Variants in NOVA1 observed in about 807,000 individuals in gnomAD.
The protein encoded by NOVA1 is NOVA alternative splicing regulator 1, also known as RNA-binding protein Nova-1.
NOVA1 carries 7 observed loss-of-function variants against 38.0 expected under a neutral mutation model. The ratio of observed to expected loss-of-function variants is 0.18; its 90% confidence interval spans 0.10 to 0.35. The LOEUF (loss-of-function observed/expected upper bound fraction) is 0.35, where lower values mean the gene tolerates loss of function less well. NOVA1 is among the 10% of genes least tolerant of loss of function. The probability of loss-of-function intolerance (pLI) is 1.00; values close to 1 mark genes in which losing one functional copy is unlikely to be tolerated. For synonymous variants in NOVA1, 270 were observed against 232.5 expected (o/e 1.16, Z -1.47); for missense variants, 460 against 616.0 (o/e 0.75, Z 2.68).
intron 2 of NOVA1, among the ~76,000 whole-genome samples, chr14:26,540,453 T>G (rs1419691825): frequency 6.6e-6 from 1 of 152,202 alleles, no homozygotes; most frequent in Non-Finnish European, 1.5e-5. Context: ...GCTGCTGAAT[T>G]AGATGACTTT....
At chr14:26,524,542 G>C (rs1337858642) in intron 2 of NOVA1, among the ~76,000 whole-genome samples, 1 of 152,046 alleles carries the variant, frequency 6.6e-6, no homozygotes, top group Non-Finnish European at 1.5e-5. Flanking sequence ...ACATCATAGG[G>C]AGATACAGAG....
intron 2 of NOVA1, among the ~76,000 whole-genome samples, chr14:26,516,902 G>T (rs1250499513): frequency 9.4e-6 from 1 of 106,760 alleles, no homozygotes; most frequent in African/African-American, 3.4e-5. Context: ...CTCTGACTTT[G>T]CCTCTTTTTT....
At chr14:26,514,344 A>G (rs935536674) in intron 2 of NOVA1, among the ~76,000 whole-genome samples, 1 of 151,770 alleles carries the variant, frequency 6.6e-6, no homozygotes. Flanking sequence ...ACTGATCTAC[A>G]TGTTCATAGT....
Position 26,448,762 on chromosome 14 carries a change from T to C in NOVA1, c.721A>G (p.Ile241Val). 6.2e-7 allele frequency: 1 copy of C among 1,614,160 alleles called. No homozygotes were observed. The highest frequency in any genetic ancestry group is 8.5e-7 in the Non-Finnish European group (1 of 1,180,036). ...RKAVELIIQK[I>V]QEDPQSGSCL... ...CTGCCACTTTGTGGATCCTCTTGTA[T>C]CTTCTGGATGATAAGTTCAACAGCT... The change falls in exon 5 of 5, where the codon ATA (isoleucine) becomes GTA (valine). Residue 241 changes from isoleucine to valine, a missense_variant. By Grantham distance (29) the Ile-to-Val change is conservative (BLOSUM62 3). Coordinates refer to ENST00000539517, the MANE Select transcript of NOVA1 (RefSeq NM_002515.3). This position sits in a 1 kb window ranked among gnomAD's most constrained non-coding sequence, Gnocchi z 5.3.
chr14:26,574,776 T>C (rs1425747791), intron 2 of NOVA1, among the ~76,000 whole-genome samples: 1 of 152,008 alleles, frequency 6.6e-6, no homozygotes, highest in Admixed American at 6.6e-5. Context: ...CCTATGACAG[T>C]CTCCAGAGTA....
rs145486041 is a variant in NOVA1 at position 26,580,107 on chromosome 14, C to A, written c.280+15303G>T. ...GCAAAAAAAAAAGCTTTAAAATAAGCCTTATGAATTATCATCTATATTATT... is the reference window on the plus strand; with the variant it reads ...GCAAAAAAAAAAGCTTTAAAATAAGACTTATGAATTATCATCTATATTATT... On this transcript the variant is annotated intron_variant, in intron 2 of 4. Transcript: ENST00000539517. 4.6e-5 allele frequency among the ~76,000 whole-genome samples: 7 copies of A among 151,752 alleles called. No individual in the cohort carries two copies. In the East Asian group the frequency reaches 9.7e-4, roughly 21 times the overall value.
At chr14:26,508,143 A>G (rs943733376) in intron 2 of NOVA1, among the ~76,000 whole-genome samples, 2 of 152,094 alleles carry the variant, frequency 1.3e-5, no homozygotes, top group Admixed American at 6.5e-5. Flanking sequence ...TAGTTTATTA[A>G]TAACTAATAT....
chr14:26,508,978 G>A (rs933568765), intron 2 of NOVA1, among the ~76,000 whole-genome samples: 3 of 151,942 alleles, frequency 2.0e-5, no homozygotes, highest in African/African-American at 7.2e-5. Context: ...AAGAAAAAAA[G>A]CAAAGAGAGT....
intron 2 of NOVA1, among the ~76,000 whole-genome samples, chr14:26,538,878 G>T (rs1890275937): frequency 6.6e-6 from 1 of 152,020 alleles, no homozygotes; most frequent in African/African-American, 2.4e-5. Context: ...CTTTCTGAAG[G>T]ATAGCCAACC....
At chr14:26,452,535 T>C (rs1315347645) in intron 4 of NOVA1, among the ~76,000 whole-genome samples, 1 of 152,344 alleles carries the variant, frequency 6.6e-6, no homozygotes, top group African/African-American at 2.4e-5. Context: ...TGTATACTGA[T>C]AGTATTTAAA....
intron 2 of NOVA1, among the ~76,000 whole-genome samples, chr14:26,545,380 G>A (rs930886158): frequency 2.0e-5 from 3 of 152,016 alleles, no homozygotes; most frequent in Non-Finnish European, 4.4e-5. Flanking sequence ...GGGAAAGTAA[G>A]TAGTTTAAAA....
At chr14:26,494,520 A>G (rs2138370788) in intron 2 of NOVA1, among the ~76,000 whole-genome samples, 1 of 152,340 alleles carries the variant, frequency 6.6e-6, no homozygotes, top group Non-Finnish European at 1.5e-5. Flanking sequence ...AGATACTGGT[A>G]AACTGTAGCC....
chr14:26,467,717 G>T (rs563680926), intron 4 of NOVA1, among the ~76,000 whole-genome samples: 2 of 152,314 alleles, frequency 1.3e-5, no homozygotes, highest in Admixed American at 6.5e-5. Context: ...TTTTAGACAA[G>T]AGCAGGGAAA....
chr14:26,592,271 C>T (rs1440420163), intron 2 of NOVA1, among the ~76,000 whole-genome samples: 4 of 151,348 alleles, frequency 2.6e-5, no homozygotes, highest in African/African-American at 4.8e-5. Context: ...ACTATCGTCA[C>T]TCTGAAAAGG....
chr14:26,489,215 A>G (rs978801661), intron 2 of NOVA1, among the ~76,000 whole-genome samples: 1 of 152,178 alleles, frequency 6.6e-6, no homozygotes, highest in Non-Finnish European at 1.5e-5. Flanking sequence ...ACTTTATGTC[A>G]TATTTTTTAA....
At chr14:26,492,907 T>C (rs910274578) in intron 2 of NOVA1, among the ~76,000 whole-genome samples, 4 of 152,026 alleles carry the variant, frequency 2.6e-5, no homozygotes, top group Non-Finnish European at 1.5e-5. Context: ...CACTCCAGCC[T>C]GGGCTACAGA....
chr14:26,554,371 C>G (rs1483470574), intron 2 of NOVA1, among the ~76,000 whole-genome samples: 11 of 151,762 alleles, frequency 7.2e-5, no homozygotes, highest in Admixed American at 7.2e-4. Flanking sequence ...CAAAACAAAA[C>G]AGATCATTCT....
chr14:26,592,649 G>C (rs886260610), intron 2 of NOVA1: 1 of 151,472 alleles, frequency 6.6e-6, no homozygotes, highest in African/African-American at 2.4e-5. Context: ...TTCTCAATTA[G>C]TGTACAAAAA....
At position 26,447,998 on chromosome 14, in the gene NOVA1, C is replaced by T; in HGVS notation, c.1485G>A (p.Glu495=). Residue 495 remains glutamate, a synonymous_variant, in exon 5 of 5, where the codon GAG becomes GAA. Transcript: ENST00000539517. ...GAGGATTGGCAGCCCGAACTCCTTG[C>T]TCATATGTGATCCTTTGTGTAATTA... ...QYLITQRITY[E]QGVRAANPQK... is the part of the protein sequence containing the mutation. The T allele has an allele frequency of 6.8e-6, 11 of 1,614,178 alleles. No individual in the cohort carries two copies. Among genetic ancestry groups the T allele is most frequent in the Non-Finnish European group, 9.3e-6 (11 of 1,180,038 alleles).
Sources: allele counts gnomAD v4.1 joint callset (sites outside exome capture counted in the v4.1 genomes callset), GRCh38; gene constraint gnomAD v4.1.1; non-coding constraint Gnocchi (gnomAD v3.1); transcripts MANE v1.5; gene names NCBI Gene and HGNC (gene_info 2026-07-23, HGNC 2026-07-21).